Variants in HPSE observed in about 807,000 individuals in gnomAD.
The protein encoded by HPSE is endo-glucoronidase.
In HPSE, 48 loss-of-function variants were observed where a neutral mutation model predicts 65.1. That is an observed-to-expected ratio of 0.74 (90% CI 0.58 to 0.94). The LOEUF is 0.94. HPSE is among the 40% of genes least tolerant of loss of function. HPSE has a pLI of 0.00. For missense variants in HPSE, 644 were observed against 637.5 expected, an observed-to-expected ratio of 1.01 and a Z score of -0.11; for synonymous variants, 243 against 260.0, an observed-to-expected ratio of 0.93 and a Z score of 0.63.
chr4:83,302,525 T>C (rs1406570624), intron 9 of HPSE, among the ~76,000 whole-genome samples: 1 of 152,110 alleles, frequency 6.6e-6, no homozygotes, highest in Non-Finnish European at 1.5e-5. Flanking sequence ...GGGATATCTG[T>C]CAAGAATGAT....
At chr4:83,304,814 A>C (rs1371310311) in intron 9 of HPSE, among the ~76,000 whole-genome samples, 1 of 152,226 alleles carries the variant, frequency 6.6e-6, no homozygotes, top group Non-Finnish European at 1.5e-5. Context: ...GAGTGGAATC[A>C]ATGTTTTCAA....
intron 11 of HPSE, among the ~76,000 whole-genome samples, 177 bp from the exon 12 acceptor site, chr4:83,295,680 C>T (rs1415608964): frequency 6.6e-6 from 1 of 152,066 alleles, no homozygotes; most frequent in Non-Finnish European, 1.5e-5. Context: ...AATCTTTAAG[C>T]TACAATGGCA....
chr4:83,302,360 A>G (rs536647269), intron 9 of HPSE, 92 bp from the exon 10 acceptor site: 35 of 788,494 alleles, frequency 4.4e-5, no homozygotes, highest in Non-Finnish European at 6.7e-5. Context: ...TAGTTATCCT[A>G]CAAAGAGTAT....
chr4:83,301,991 TA>T, intron 10 of HPSE, among the ~76,000 whole-genome samples, 158 bp downstream of exon 10: 1 of 152,264 alleles, frequency 6.6e-6, no homozygotes. Context: ...ATTTTTCTTC[TA>T]AAAATAAAAT....
rs140177934 is a variant in HPSE, at chr4:83,317,763, C to T, written c.499+1581G>A. ...CGGGACATGTGTTTTAAGAGCAAAT[C>T]CATTAATTACCTAATACAACTGGGT... On this transcript the variant is annotated intron_variant, in intron 3 of 11. Transcript: ENST00000311412. Among the ~76,000 whole-genome samples, 53 of 152,212 alleles carry T rather than the reference C, an allele frequency of 3.5e-4. 1 individual carries two copies. Among genetic ancestry groups the T allele is most frequent in the Middle Eastern group, 3.4e-3 (1 of 294 alleles).
At chr4:83,321,987 C>CTTTTTTT (rs36002405) in intron 2 of HPSE, among the ~76,000 whole-genome samples, 7,715 of 92,416 alleles carry the variant, frequency 0.083, 837 homozygotes, top group Middle Eastern at 0.14. Context: ...TCCAGGACGC[C>CTTTTTTT]TTTTTTTTTT....
In HPSE at chr4:83,294,417, GGTATT is replaced by G. The variant is rs1362150177; in HGVS notation, c.*922_*926del. On this transcript the variant is annotated 3_prime_UTR_variant, in exon 12 of 12. Transcript: ENST00000311412. ...GTGGTGGCTAATCGCTGTCCCCACA[GGTATT>G]ATAGTCTTTCGCTGACTAGCAACAC... 1.3e-5 allele frequency: 2 copies of G among 152,098 alleles called. No homozygotes were observed. The highest frequency in any genetic ancestry group is 3.8e-4 in the East Asian group (2 of 5,198). 9.4% of individuals were successfully genotyped at this position (152,098 alleles called of 1,614,324 possible).
At chr4:83,320,476 G>A (rs1736846012) in intron 2 of HPSE, among the ~76,000 whole-genome samples, 2 of 152,100 alleles carry the variant, frequency 1.3e-5, no homozygotes, top group South Asian at 2.1e-4. Context: ...CGAGGTGGGA[G>A]GATGCCTTGA....
intron 8 of HPSE, among the ~76,000 whole-genome samples, chr4:83,306,929 C>T (rs1409827638): frequency 6.6e-6 from 1 of 152,146 alleles, no homozygotes; most frequent in African/African-American, 2.4e-5. Context: ...AGATATCTTG[C>T]AGACCCTGAA....
intron 3 of HPSE, among the ~76,000 whole-genome samples, chr4:83,315,287 C>T (rs966648596): frequency 6.6e-6 from 1 of 152,178 alleles, no homozygotes; most frequent in African/African-American, 2.4e-5. Context: ...TGCCTACCAT[C>T]AAGGAATGAC....
intron 3 of HPSE, among the ~76,000 whole-genome samples, chr4:83,315,143 A>G (rs1736576665): frequency 1.1e-5 from 1 of 93,970 alleles, no homozygotes; most frequent in African/African-American, 4.5e-5. Context: ...ACAGAGCAAG[A>G]CTCTGTCTCA....
chr4:83,317,162 G>T (rs1312484509), intron 3 of HPSE, among the ~76,000 whole-genome samples: 1 of 152,206 alleles, frequency 6.6e-6, no homozygotes, highest in Non-Finnish European at 1.5e-5. Context: ...GCCTCCCAAA[G>T]TGCTGGGATT....
In HPSE at chr4:83,322,228, C is replaced by T. The variant is rs536920454; in HGVS notation, c.364G>A (p.Val122Ile). 13 of 1,612,968 alleles carry T rather than the reference C, an allele frequency of 8.1e-6. No individual in the cohort carries two copies. The African/African-American group carries it at 1.5e-4, about 18-fold the overall frequency. ...CTTTAAAAATTTTCACCCTGGTTGA[C>T]TTGAGATTGCCAGTAACTTCTCTCT... Reference protein sequence around the residue: ...FEERSYWQSQVNQDICKYGSI... With the variant: ...FEERSYWQSQINQDICKYGSI... The change falls in exon 2 of 12, where the codon GTC becomes ATC. Residue 122 changes from valine to isoleucine, a missense_variant. By Grantham distance (29) the Val-to-Ile change is conservative (BLOSUM62 3). Transcript: ENST00000311412.
intron 11 of HPSE, among the ~76,000 whole-genome samples, chr4:83,300,209 A>C (rs868515408): frequency 2.6e-5 from 4 of 152,234 alleles, no homozygotes; most frequent in African/African-American, 7.2e-5. Flanking sequence ...TCTACTTAAG[A>C]AGTATACTCT....
chr4:83,305,540 T>G (rs4434244), intron 9 of HPSE, among the ~76,000 whole-genome samples: 105,552 of 152,058 alleles, frequency 0.69, 37,251 homozygotes, highest in East Asian at 0.82. Flanking sequence ...TTAGAAAATA[T>G]ATATCTGCAA....
intron 3 of HPSE, among the ~76,000 whole-genome samples, chr4:83,317,729 T>TA (rs1578019248): frequency 1.3e-5 from 2 of 152,206 alleles, no homozygotes; most frequent in African/African-American, 4.8e-5. Context: ...AAGACTCACC[T>TA]ATATCTTCCG....
intron 11 of HPSE, among the ~76,000 whole-genome samples, chr4:83,296,380 C>T (rs1735722746): frequency 6.6e-6 from 1 of 152,008 alleles, no homozygotes; most frequent in Admixed American, 6.6e-5. Context: ...ATATTGAAAA[C>T]TTGTAAGATT....
Position 83,292,818 on chromosome 4 carries a change from A to G in HPSE, c.*2526T>C, listed in dbSNP as rs563178146. 1.3e-5 allele frequency: 2 copies of G among 152,224 alleles called. No individual in the cohort carries two copies. Among genetic ancestry groups the G allele is most frequent in the Non-Finnish European group, 2.9e-5 (2 of 68,042 alleles). The allele number at this position is 152,224 out of a possible 1,614,324, so 9.4% of individuals were successfully genotyped here. On this transcript the variant is annotated 3_prime_UTR_variant, in exon 12 of 12. Coordinates refer to ENST00000311412, the MANE Select transcript of HPSE (RefSeq NM_001098540.3). ...GTGGAAGCTTAGCTGTAGGTACACA[A>G]GAACATACACAGTGGTATAAGGGAT...
chr4:83,315,327 G>T (rs1736585339), intron 3 of HPSE, among the ~76,000 whole-genome samples: 1 of 152,156 alleles, frequency 6.6e-6, no homozygotes, highest in South Asian at 2.1e-4. Context: ...GCTCTCTAGA[G>T]TCCTGTGACC....
Sources: gnomAD v4.1 joint callset for allele counts (sites outside exome capture counted in the v4.1 genomes callset) on GRCh38, gnomAD v4.1.1 for gene constraint, MANE v1.5 for transcripts, NCBI Gene and HGNC (gene_info 2026-07-23, HGNC 2026-07-21) for gene names.